CHN2: variants seen among roughly 807,000 people sequenced by gnomAD.
CHN2 encodes the protein beta-chimaerin.
CHN2 carries 35 observed loss-of-function variants against 56.3 expected under a neutral mutation model. The ratio of observed to expected loss-of-function variants is 0.62; its 90% CI spans 0.47 to 0.82. The LOEUF is 0.82. Ranked by LOEUF, CHN2 falls within the 40% of genes least tolerant of loss-of-function variation. CHN2 has a pLI of 0.00. For synonymous variants in CHN2, 210 were observed against 212.8 expected (o/e 0.99, Z 0.12); for missense variants, 491 against 580.5 (o/e 0.85, Z 1.58).
chr7:29,329,376 C>CAAAAAAAAAAAAAAA (rs10667833), intron 1 of CHN2, among the ~76,000 whole-genome samples: 1 of 37,246 alleles, frequency 2.7e-5, no homozygotes, highest in Non-Finnish European at 4.6e-5. Context: ...TCAGATAAGG[C>CAAAAAAAAAAAAAAA]AAAAAAAAAA....
intron 6 of CHN2, among the ~76,000 whole-genome samples, chr7:29,434,045 A>G (rs985674486): frequency 6.6e-6 from 1 of 152,134 alleles, no homozygotes; most frequent in Non-Finnish European, 1.5e-5. Flanking sequence ...CCTCTTGGCC[A>G]TCTTTTCTTC....
intron 1 of CHN2, among the ~76,000 whole-genome samples, chr7:29,327,860 T>C (rs1395389605): frequency 6.6e-6 from 1 of 152,238 alleles, no homozygotes; most frequent in Non-Finnish European, 1.5e-5. Flanking sequence ...TTATTTTTTA[T>C]TCATTTTGTA....
At chr7:29,186,781 A>T (rs1280492357) in intron 2 of CHN2, among the ~76,000 whole-genome samples, 1 of 149,926 alleles carries the variant, frequency 6.7e-6, no homozygotes, top group Non-Finnish European at 1.5e-5. Context: ...CTAAAGGGTA[A>T]TTTTTTTTTT....
chr7:29,432,282 GAT>G (rs1314591291), intron 6 of CHN2, among the ~76,000 whole-genome samples: 2 of 152,174 alleles, frequency 1.3e-5, no homozygotes, highest in Non-Finnish European at 2.9e-5. Flanking sequence ...AAGCATGAAT[GAT>G]ATGTCTTGCT....
chr7:29,376,047 G>A (rs191296020), intron 3 of CHN2, among the ~76,000 whole-genome samples: 77 of 152,302 alleles, frequency 5.1e-4, no homozygotes, highest in African/African-American at 1.5e-3. Flanking sequence ...TCCTACTGGC[G>A]TGTGGCCTGT....
At chr7:29,201,758 G>A (rs1254813927) in intron 1 of CHN2, among the ~76,000 whole-genome samples, 1 of 152,152 alleles carries the variant, frequency 6.6e-6, no homozygotes, top group Non-Finnish European at 1.5e-5. Context: ...TTTTTTACAG[G>A]AAATTCTCTA....
At chr7:29,350,077 A>G (rs565123754) in intron 1 of CHN2, among the ~76,000 whole-genome samples, 12 of 152,264 alleles carry the variant, frequency 7.9e-5, no homozygotes, top group African/African-American at 2.9e-4. Flanking sequence ...TTCAAGTAAC[A>G]TATATAATAG....
intron 2 of CHN2, among the ~76,000 whole-genome samples, chr7:29,365,577 A>G (rs185750352): frequency 1.4e-4 from 21 of 152,356 alleles, no homozygotes; most frequent in Middle Eastern, 6.8e-3. Flanking sequence ...GGGGCAGATA[A>G]CAAGAGGTAG....
chr7:29,220,280 A>AAGAGAG (rs60474405), intron 1 of CHN2, among the ~76,000 whole-genome samples: 18,970 of 138,036 alleles, frequency 0.14, 1,635 homozygotes, highest in Non-Finnish European at 0.2. Flanking sequence ...AAAAAAAAAA[A>AAGAGAG]AGAGAGAGAG....
intron 7 of CHN2, among the ~76,000 whole-genome samples, chr7:29,488,266 G>A (rs1243674160): frequency 6.6e-6 from 1 of 152,184 alleles, no homozygotes; most frequent in African/African-American, 2.4e-5. Context: ...TCTTGCAAAA[G>A]GGGAGAGTTC....
intron 7 of CHN2, chr7:29,483,985 C>A: frequency 1.4e-6 from 1 of 737,748 alleles, no homozygotes; most frequent in Non-Finnish European, 2.1e-6. Flanking sequence ...AGTAAGTATT[C>A]ATTTGATGTT....
At chr7:29,491,691 C>G (rs1193203944) in intron 7 of CHN2, among the ~76,000 whole-genome samples, 1 of 152,194 alleles carries the variant, frequency 6.6e-6, no homozygotes, top group East Asian at 1.9e-4. Context: ...CAGGCATGAG[C>G]TACCACACCC....
chr7:29,192,722 G>A (rs1490700547), upstream of CHN2: 7 of 152,164 alleles, frequency 4.6e-5, no homozygotes, highest in Non-Finnish European at 7.3e-5. Context: ...TTTTGTGGCA[G>A]GTGTAGAAAC....
rs1474879511 is a variant in CHN2 at position 29,514,087 on chromosome 7, C to T, written c.*1352C>T. 1 of 152,556 alleles carries T rather than the reference C, an allele frequency of 6.6e-6. No individual in the cohort carries two copies. The highest frequency in any genetic ancestry group is 1.5e-5 in the Non-Finnish European group (1 of 68,036). The allele number at this position is 152,556 out of a possible 1,614,324, so 9.5% of individuals were successfully genotyped here. On this transcript the variant is annotated 3_prime_UTR_variant, in exon 13 of 13. Coordinates refer to ENST00000222792, the MANE Select transcript of CHN2 (RefSeq NM_004067.4). Reference sequence around the variant, plus strand: ...TGGAGCATCATTGTGTGACTGTTGACCTGGACAGTCCCAAGGGCTATGCAG... The same window carrying T: ...TGGAGCATCATTGTGTGACTGTTGATCTGGACAGTCCCAAGGGCTATGCAG...
At chr7:29,450,717 C>T (rs1326022383) in intron 6 of CHN2, among the ~76,000 whole-genome samples, 1 of 152,094 alleles carries the variant, frequency 6.6e-6, no homozygotes, top group East Asian at 1.9e-4. Context: ...TTATAGCAGC[C>T]ACAGAAAACT....
intron 6 of CHN2, among the ~76,000 whole-genome samples, chr7:29,432,643 C>T (rs17157972): frequency 0.051 from 7,826 of 152,212 alleles, 367 homozygotes; most frequent in East Asian, 0.26. Context: ...TGATCCATTT[C>T]GCTGTACCTG....
intron 1 of CHN2, among the ~76,000 whole-genome samples, chr7:29,275,646 C>A (rs992240943): frequency 6.6e-6 from 1 of 152,194 alleles, no homozygotes; most frequent in African/African-American, 2.4e-5. Context: ...TCTCACTTCT[C>A]ACCACAGCCC....
At chr7:29,375,135 C>A (rs979293679) in intron 3 of CHN2, among the ~76,000 whole-genome samples, 1 of 151,076 alleles carries the variant, frequency 6.6e-6, no homozygotes, top group African/African-American at 2.4e-5. Context: ...GGTGATCCAC[C>A]CGCCTCAGCC....
intron 7 of CHN2, among the ~76,000 whole-genome samples, chr7:29,487,470 T>C (rs1197013377): frequency 3.3e-5 from 5 of 152,170 alleles, no homozygotes; most frequent in Non-Finnish European, 1.5e-5. Context: ...CTCCACATTA[T>C]AATGATTACA....
Sources: allele counts gnomAD v4.1 joint callset (sites outside exome capture counted in the v4.1 genomes callset), GRCh38; gene constraint gnomAD v4.1.1; transcripts MANE v1.5; gene names NCBI Gene and HGNC (gene_info 2026-07-23, HGNC 2026-07-21).